The following ASAP1 variants were observed in gnomAD, a reference collection of about 807,000 sequenced individuals.
ASAP1 encodes ArfGAP with SH3 domain, ankyrin repeat and PH domain 1.
Under a neutral mutation model 145.2 loss-of-function variants are expected in ASAP1, and 43 were observed. That is an observed-to-expected ratio of 0.30 (90% confidence interval 0.23 to 0.38). The LOEUF (loss-of-function observed/expected upper bound fraction) is 0.38, where lower values mean the gene tolerates loss of function less well. ASAP1 is among the 10% of genes least tolerant of loss of function. ASAP1 has a pLI of 1.00. For synonymous variants in ASAP1, 546 were observed against 515.5 expected, an observed-to-expected ratio of 1.06 and a Z score of -0.80; for missense variants, 1,018 against 1,355.3, an observed-to-expected ratio of 0.75 and a Z score of 3.91.
intron 1 of ASAP1, among the ~76,000 whole-genome samples, chr8:130,426,428 G>C (rs1829920526): frequency 6.6e-6 from 1 of 151,416 alleles, no homozygotes; most frequent in Non-Finnish European, 1.5e-5. Context: ...AAAAAAAAGG[G>C]TAAGCCAAGC....
At chr8:130,151,788 C>T (rs1419131635) in intron 13 of ASAP1, among the ~76,000 whole-genome samples, 1 of 152,170 alleles carries the variant, frequency 6.6e-6, no homozygotes, top group East Asian at 1.9e-4. Context: ...AGTAAGTGCC[C>T]AAGGGGGCGC....
At chr8:130,269,631 A>G (rs952263277) in intron 3 of ASAP1, among the ~76,000 whole-genome samples, 2 of 152,216 alleles carry the variant, frequency 1.3e-5, no homozygotes, top group Non-Finnish European at 2.9e-5. Flanking sequence ...AGGTTTTGAT[A>G]ACTATGTGTG....
chr8:130,299,548 G>A (rs188815993), intron 3 of ASAP1, among the ~76,000 whole-genome samples: 1 of 152,264 alleles, frequency 6.6e-6, no homozygotes, highest in Admixed American at 6.5e-5. Flanking sequence ...GCTAGGAAAC[G>A]ATGATATACA....
At chr8:130,421,944 A>G (rs967351314) in intron 1 of ASAP1, among the ~76,000 whole-genome samples, 3 of 152,232 alleles carry the variant, frequency 2.0e-5, no homozygotes, top group African/African-American at 7.2e-5. Context: ...TAAACATAAT[A>G]TAAGAATATC....
At position 130,306,377 on chromosome 8, in the gene ASAP1, T is replaced by C. The variant is rs763041571; in HGVS notation, c.186+51640A>G. Among the ~76,000 whole-genome samples, 7 of 152,222 alleles carry C rather than the reference T, an allele frequency of 4.6e-5. No homozygotes were observed. In the South Asian group the frequency reaches 1.2e-3, roughly 27 times the overall value. The stretch of plus-strand genomic sequence containing the variant: ...ACTTCTTTCCAGTCACTTGGATTAA[T>C]AGCTCCTTTTTAAATGTCCCTCTCC... On this transcript the variant is annotated intron_variant, in intron 3 of 29. Transcript: ENST00000518721.
chr8:130,282,891 G>A (rs1010616297), intron 3 of ASAP1, among the ~76,000 whole-genome samples: 4 of 152,186 alleles, frequency 2.6e-5, no homozygotes, highest in African/African-American at 4.8e-5. Flanking sequence ...AGTGGGTTTC[G>A]CTGCGGCAAA....
Position 130,080,478 on chromosome 8 carries a change from CTTT to C in ASAP1, c.2573-510_2573-508del, listed in dbSNP as rs398047411. The stretch of plus-strand genomic sequence containing the variant: ...TACTGACTCGTCATTCATTCTCTCT[CTTT>C]TTTTTTTTTTTTTTGAGACAGTCTC... On this transcript the variant is annotated intron_variant, in intron 25 of 29. Transcript: ENST00000518721. Among the ~76,000 whole-genome samples, 12 of 71,168 alleles carry C rather than the reference CTTT, an allele frequency of 1.7e-4. No homozygotes were observed. In the East Asian group the frequency reaches 2.9e-3, roughly 17 times the overall value. The allele number at this position is 71,168 out of a possible 152,430, so 46.7% of individuals were successfully genotyped here. A position where few individuals can be genotyped will look rare whatever the true frequency, so the allele number is the denominator to read the frequency against.
chr8:130,426,323 T>C (rs1182978705), intron 1 of ASAP1, among the ~76,000 whole-genome samples: 4 of 152,088 alleles, frequency 2.6e-5, no homozygotes, highest in East Asian at 1.9e-4. Context: ...TGCAGAACCA[T>C]GTGCTGATTA....
At chr8:130,354,446 T>TA (rs1246133417) in intron 3 of ASAP1, among the ~76,000 whole-genome samples, 4 of 152,108 alleles carry the variant, frequency 2.6e-5, no homozygotes, top group African/African-American at 9.7e-5. Context: ...TGGCCCAATA[T>TA]AAAATAACCA....
intron 3 of ASAP1, among the ~76,000 whole-genome samples, chr8:130,308,142 T>C (rs1054497978): frequency 1.3e-5 from 2 of 152,262 alleles, no homozygotes; most frequent in African/African-American, 2.4e-5. Flanking sequence ...ATCTTAGTGA[T>C]AAATTTTATA....
At chr8:130,175,950 T>C (rs55979731) in intron 9 of ASAP1, among the ~76,000 whole-genome samples, 4,032 of 152,332 alleles carry the variant, frequency 0.026, 63 homozygotes, top group Middle Eastern at 0.044. Context: ...TAAATGCTGT[T>C]AACTCTGCAG....
intron 23 of ASAP1, 122 bp downstream of exon 23, chr8:130,115,506 G>T: frequency 1.3e-6 from 1 of 753,916 alleles, no homozygotes; most frequent in South Asian, 1.7e-5. Context: ...CAACATAAAT[G>T]GCCCTGATAC....
intron 1 of ASAP1, among the ~76,000 whole-genome samples, chr8:130,425,731 A>T (rs1829892546): frequency 6.6e-6 from 1 of 152,214 alleles, no homozygotes; most frequent in African/African-American, 2.4e-5. Context: ...CCTACAAGTT[A>T]TGTCAGGCAC....
chr8:130,324,901 A>G (rs1824230689), intron 3 of ASAP1, among the ~76,000 whole-genome samples: 1 of 152,316 alleles, frequency 6.6e-6, no homozygotes. Context: ...AAGAAGCAGG[A>G]GAGGCTCTAG....
At chr8:130,212,752 G>A (rs1481251097) in intron 5 of ASAP1, among the ~76,000 whole-genome samples, 1 of 152,204 alleles carries the variant, frequency 6.6e-6, no homozygotes, top group East Asian at 1.9e-4. Flanking sequence ...CGCAGATGAT[G>A]AATGTTGGCC....
Position 130,058,083 on chromosome 8 carries a change from G to A in ASAP1, c.3193-7C>T, listed in dbSNP as rs778803802. 6.2e-6 allele frequency: 10 copies of A among 1,611,882 alleles called. No individual in the cohort carries two copies. Among genetic ancestry groups the A allele is most frequent in the Non-Finnish European group, 7.6e-6 (9 of 1,178,124 alleles). Reference sequence around the variant, plus strand: ...GCCTCACTTTATTTTTCCCCTTAAAGAAAGAAACTGGGTTTTAATTGAAAG... The same window carrying A: ...GCCTCACTTTATTTTTCCCCTTAAAAAAAGAAACTGGGTTTTAATTGAAAG... On this transcript the variant is annotated splice_region_variant and splice_polypyrimidine_tract_variant and intron_variant, in intron 28 of 29. Coordinates refer to ENST00000518721, the MANE Select transcript of ASAP1 (RefSeq NM_018482.4).
At chr8:130,122,191 A>T (rs2097567348) in intron 18 of ASAP1, among the ~76,000 whole-genome samples, 1 of 152,150 alleles carries the variant, frequency 6.6e-6, no homozygotes, top group South Asian at 2.1e-4. Flanking sequence ...ATTTCTTCAT[A>T]ACACCTAATA....
rs1323276767 is a variant in ASAP1 at position 130,052,499 on chromosome 8, G to C, written c.*2232C>G. 1 of 152,420 alleles carries C rather than the reference G, an allele frequency of 6.6e-6. No homozygotes were observed. Among genetic ancestry groups the C allele is most frequent in the East Asian group, 1.9e-4 (1 of 5,166 alleles). 9.4% of individuals were successfully genotyped at this position (152,420 alleles called of 1,614,324 possible). Reference sequence around the variant, plus strand: ...AGTGGCTTACTGAGTTTAAGATCAAGATCAGACTTAAACTCAACAAGATCA... The same window carrying C: ...AGTGGCTTACTGAGTTTAAGATCAACATCAGACTTAAACTCAACAAGATCA... On this transcript the variant is annotated 3_prime_UTR_variant, in exon 30 of 30. Transcript: ENST00000518721.
intron 13 of ASAP1, among the ~76,000 whole-genome samples, chr8:130,140,877 G>C (rs2097609153): frequency 6.6e-6 from 1 of 152,232 alleles, no homozygotes; most frequent in Non-Finnish European, 1.5e-5. Context: ...ACGAATACCA[G>C]AGGGGAGTGG....
Sources: gnomAD v4.1 joint callset for allele counts (sites outside exome capture counted in the v4.1 genomes callset) on GRCh38, gnomAD v4.1.1 for gene constraint, MANE v1.5 for transcripts, NCBI Gene and HGNC (gene_info 2026-07-23, HGNC 2026-07-21) for gene names.